PSMD14: variants seen among roughly 807,000 people sequenced by gnomAD.
The protein encoded by PSMD14 is ubiquitin C-terminal hydrolase PSMD14.
In PSMD14, 7 loss-of-function variants were observed where a neutral mutation model predicts 41.2. That is an observed-to-expected ratio of 0.17 (90% CI 0.10 to 0.32). The LOEUF (loss-of-function observed/expected upper bound fraction) is 0.32, where lower values mean the gene tolerates loss of function less well. PSMD14 is among the 10% of genes least tolerant of loss of function. The pLI is 1.00. For synonymous variants in PSMD14, 114 were observed against 122.3 expected, an observed-to-expected ratio of 0.93 and a Z score of 0.45; for missense variants, 139 against 375.6, an observed-to-expected ratio of 0.37 and a Z score of 5.21.
At chr2:161,351,783 C>T (rs745996492) in intron 3 of PSMD14, among the ~76,000 whole-genome samples, 10 of 152,106 alleles carry the variant, frequency 6.6e-5, no homozygotes, top group Admixed American at 5.9e-4. Context: ...GCTGATACAG[C>T]GCTATCATTG....
intron 1 of PSMD14, among the ~76,000 whole-genome samples, chr2:161,315,841 CTTTTTTTT>C (rs34015300): frequency 3.1e-5 from 3 of 96,790 alleles, no homozygotes; most frequent in African/African-American, 8.1e-5. Context: ...TTATTTTATT[CTTTTTTTT>C]TTTTTTTTTT....
At chr2:161,351,487 A>G (rs1324695976) in intron 3 of PSMD14, among the ~76,000 whole-genome samples, 5 of 152,108 alleles carry the variant, frequency 3.3e-5, no homozygotes, top group Admixed American at 3.3e-4. Context: ...CTCATCCATT[A>G]TATTACTTTT....
intron 10 of PSMD14, among the ~76,000 whole-genome samples, chr2:161,402,820 A>G (rs904349542): frequency 2.0e-5 from 3 of 152,242 alleles, no homozygotes; most frequent in African/African-American, 7.2e-5. Flanking sequence ...GGTTACAAAC[A>G]CATAAAAAAG....
At chr2:161,385,659 A>G in intron 8 of PSMD14, 88 bp downstream of exon 8, 1 of 628,072 alleles carries the variant, frequency 1.6e-6, no homozygotes, top group South Asian at 3.0e-5. Flanking sequence ...AATTCTTAGC[A>G]TTTTAATTTG....
intron 10 of PSMD14, among the ~76,000 whole-genome samples, chr2:161,395,591 C>T (rs1396547028): frequency 2.6e-5 from 4 of 152,112 alleles, no homozygotes; most frequent in African/African-American, 9.7e-5. Context: ...GCACTTACTA[C>T]TTGCTGTGTC....
chr2:161,340,904 G>C, intron 3 of PSMD14: 1 of 1,613,872 alleles, frequency 6.2e-7, no homozygotes, highest in Non-Finnish European at 8.5e-7. Flanking sequence ...GGCTGTATTT[G>C]AAGGAGAAGC....
At chr2:161,409,359 A>T (rs13384725) in intron 11 of PSMD14, among the ~76,000 whole-genome samples, 138,766 of 152,122 alleles carry the variant, frequency 0.91, 63,338 homozygotes, top group East Asian at 1. Flanking sequence ...TTTTCTAAGA[A>T]GAAATATATA....
chr2:161,348,775 A>T (rs1342852016), intron 3 of PSMD14, among the ~76,000 whole-genome samples: 1 of 152,240 alleles, frequency 6.6e-6, no homozygotes, highest in Non-Finnish European at 1.5e-5. Context: ...AAAAGGACAC[A>T]GGAGCTTCAA....
At chr2:161,341,779 C>T (rs1483937059) in intron 3 of PSMD14, among the ~76,000 whole-genome samples, 4 of 145,724 alleles carry the variant, frequency 2.7e-5, no homozygotes, top group Non-Finnish European at 6.0e-5. Context: ...GCAAAGGTTG[C>T]AGTGAGCCGA....
At chr2:161,365,377 A>T (rs1683345089) in intron 3 of PSMD14, among the ~76,000 whole-genome samples, 1 of 152,174 alleles carries the variant, frequency 6.6e-6, no homozygotes. Flanking sequence ...TTAAGTTCTT[A>T]CTATGGCCCA....
intron 7 of PSMD14, among the ~76,000 whole-genome samples, chr2:161,375,301 G>A (rs1683488599): frequency 6.6e-6 from 1 of 151,972 alleles, no homozygotes. Context: ...ATTGCATACT[G>A]ATACAAAATA....
At chr2:161,341,320 C>A in intron 3 of PSMD14, 1 of 1,018,228 alleles carries the variant, frequency 9.8e-7, no homozygotes, top group Non-Finnish European at 1.2e-6. Flanking sequence ...TCGGCCGGCG[C>A]CTCCATCGCG....
intron 3 of PSMD14, among the ~76,000 whole-genome samples, chr2:161,363,545 T>G (rs568256103): frequency 2.0e-5 from 3 of 152,322 alleles, no homozygotes; most frequent in Admixed American, 6.5e-5. Flanking sequence ...TTTCTAAAAT[T>G]TTGTTCATGA....
chr2:161,329,727 A>C (rs1682757555), intron 3 of PSMD14, among the ~76,000 whole-genome samples: 1 of 152,168 alleles, frequency 6.6e-6, no homozygotes, highest in Non-Finnish European at 1.5e-5. Flanking sequence ...TGCTCTTGTG[A>C]GGTTATAATT....
intron 5 of PSMD14, 144 bp from the exon 6 acceptor site, chr2:161,369,963 G>T (rs570439736): frequency 2.3e-5 from 13 of 577,314 alleles, no homozygotes; most frequent in African/African-American, 1.5e-4. Context: ...TTGGTATGAG[G>T]TTTATAATTG....
chr2:161,313,878 A>T (rs530454465), intron 1 of PSMD14, among the ~76,000 whole-genome samples: 1 of 152,120 alleles, frequency 6.6e-6, no homozygotes, highest in Non-Finnish European at 1.5e-5. Context: ...GTGTGTGTGT[A>T]TGTGAAAATA....
intron 7 of PSMD14, among the ~76,000 whole-genome samples, chr2:161,375,447 A>G (rs1214922819): frequency 6.6e-6 from 1 of 152,054 alleles, no homozygotes; most frequent in Non-Finnish European, 1.5e-5. Context: ...AGTAAATGCA[A>G]ATTAAAATTA....
At position 161,315,487 on chromosome 2, in the gene PSMD14, A is replaced by T. The variant is rs528857883; in HGVS notation, c.-137-950A>T. On this transcript the variant is annotated intron_variant, in intron 1 of 11. Transcript: ENST00000409682. ...ACTGTGCTAAATGAAAACTGAAAAA[A>T]AGACTACAGAGATGAAGTCTCTAGT... 3.9e-5 allele frequency among the ~76,000 whole-genome samples: 6 copies of T among 152,334 alleles called. No homozygotes were observed. The East Asian group carries it at 1.2e-3, about 29-fold the overall frequency.
chr2:161,332,589 G>A (rs564607636), intron 3 of PSMD14, among the ~76,000 whole-genome samples: 2 of 152,256 alleles, frequency 1.3e-5, no homozygotes, highest in Non-Finnish European at 2.9e-5. Context: ...TCCAGACTAG[G>A]GCATCATAAA....
Sources: gnomAD v4.1 joint callset for allele counts (sites outside exome capture counted in the v4.1 genomes callset) on GRCh38, gnomAD v4.1.1 for gene constraint, MANE v1.5 for transcripts, NCBI Gene and HGNC (gene_info 2026-07-23, HGNC 2026-07-21) for gene names.